FCHSD2: variants seen among roughly 807,000 people sequenced by gnomAD.
The protein encoded by FCHSD2 is F-BAR and double SH3 domains protein 2.
FCHSD2 carries 38 observed loss-of-function variants against 108.1 expected under a neutral mutation model. That is an observed-to-expected ratio of 0.35 (90% CI 0.27 to 0.46). The LOEUF (loss-of-function observed/expected upper bound fraction) is 0.46. Among genes scored for constraint, FCHSD2 ranks in the 20% least tolerant of loss-of-function variants. The pLI, the probability that FCHSD2 is intolerant of heterozygous loss-of-function variation, is 1.00. For missense variants in FCHSD2, 751 were observed against 897.8 expected (o/e 0.84, Z 2.09); for synonymous variants, 279 against 314.7 (o/e 0.89, Z 1.20).
intron 2 of FCHSD2, among the ~76,000 whole-genome samples, chr11:73,093,985 C>T (rs575222386): frequency 6.6e-6 from 1 of 151,980 alleles, no homozygotes; most frequent in Non-Finnish European, 1.5e-5. Context: ...CCGAGTCAGG[C>T]GGACAACTTG....
At chr11:73,007,144 G>A (rs765032662) in intron 4 of FCHSD2, among the ~76,000 whole-genome samples, 9 of 151,894 alleles carry the variant, frequency 5.9e-5, no homozygotes, top group Non-Finnish European at 1.0e-4. Flanking sequence ...TGTATCTTAC[G>A]ATTTTATATC....
chr11:72,931,843 C>T (rs1416146642), intron 8 of FCHSD2, among the ~76,000 whole-genome samples: 1 of 152,240 alleles, frequency 6.6e-6, no homozygotes, highest in Non-Finnish European at 1.5e-5. Context: ...CACAGACAGA[C>T]AAGATCAGGG....
At chr11:72,918,742 C>CT (rs911156605) in intron 9 of FCHSD2, among the ~76,000 whole-genome samples, 1 of 151,938 alleles carries the variant, frequency 6.6e-6, no homozygotes, top group African/African-American at 2.4e-5. Context: ...TTTCTGAATT[C>CT]TTTTTTTAAA....
rs765288070 is a variant in FCHSD2, at chr11:73,058,597, C to CT, written c.165+25097dup. Among the ~76,000 whole-genome samples the CT allele has an allele frequency of 5.4e-3, 743 of 137,376 alleles. 7 individuals carry two copies. Among genetic ancestry groups the CT allele is most frequent in the African/African-American group, 0.014 (519 of 37,564 alleles). 90.1% of individuals were successfully genotyped at this position (137,376 alleles called of 152,430 possible). Reference sequence around the variant, plus strand: ...TGTTTTTTAGGTTTATTTCATTTTCCTTTTTTTTTTTTTTTTAAGACAGAG... The same window carrying CT: ...TGTTTTTTAGGTTTATTTCATTTTCCTTTTTTTTTTTTTTTTTAAGACAGAG... On this transcript the variant is annotated intron_variant, in intron 3 of 19. Coordinates refer to ENST00000409418, the MANE Select transcript of FCHSD2 (RefSeq NM_014824.3).
chr11:72,930,930 G>C (rs990031277), intron 8 of FCHSD2, among the ~76,000 whole-genome samples: 3 of 151,926 alleles, frequency 2.0e-5, no homozygotes, highest in Non-Finnish European at 4.4e-5. Flanking sequence ...AATATCTTAA[G>C]AGTGTAATTG....
At chr11:73,139,801 A>T (rs180859719) in intron 2 of FCHSD2, among the ~76,000 whole-genome samples, 96 of 152,346 alleles carry the variant, frequency 6.3e-4, no homozygotes, top group Non-Finnish European at 1.2e-3. Flanking sequence ...TAAGACTTTT[A>T]AGGTCCTTGT....
rs1455400225 is a variant in FCHSD2, at chr11:72,985,115, A to G, written c.523T>C (p.Ser175Pro). ...VREKADIEAK[S>P]KLSLFQSRIS... ...CTTGATTGAAAAAGACTAAGTTTAG[A>G]TCTATAATAAAAATAGAAAAGTATG... Residue 175 changes from serine (S) to proline (P), a missense_variant and splice_region_variant, in exon 7 of 20, where the codon TCT becomes CCT. Transcript: ENST00000409418. 1.9e-6 allele frequency: 2 copies of G among 1,052,614 alleles called. No homozygotes were observed. The highest frequency in any genetic ancestry group is 4.5e-5 in the Admixed American group (2 of 44,510). 65.2% of individuals were successfully genotyped at this position (1,052,614 alleles called of 1,614,324 possible).
intron 8 of FCHSD2, among the ~76,000 whole-genome samples, chr11:72,975,467 C>T (rs1857087266): frequency 6.6e-6 from 1 of 151,948 alleles, no homozygotes; most frequent in Admixed American, 6.6e-5. Context: ...CTATAGTTAA[C>T]AATAATTTAT....
intron 2 of FCHSD2, among the ~76,000 whole-genome samples, chr11:73,094,117 A>C (rs1432030738): frequency 6.6e-6 from 1 of 152,088 alleles, no homozygotes; most frequent in African/African-American, 2.4e-5. Context: ...AGGCTGAGGC[A>C]AGAGAATCAC....
At chr11:73,080,190 A>C (rs1859648429) in intron 3 of FCHSD2, among the ~76,000 whole-genome samples, 1 of 150,994 alleles carries the variant, frequency 6.6e-6, no homozygotes, top group African/African-American at 2.4e-5. Context: ...CCAGCCACTC[A>C]GTAGGCTGAG....
At chr11:72,951,724 C>T (rs7358314) in intron 8 of FCHSD2, among the ~76,000 whole-genome samples, 2 of 152,184 alleles carry the variant, frequency 1.3e-5, no homozygotes, top group East Asian at 3.9e-4. Flanking sequence ...ATTTTTCTTC[C>T]TAAGAGTCTC....
At chr11:72,968,558 T>C (rs1325895077) in intron 8 of FCHSD2, among the ~76,000 whole-genome samples, 1 of 152,230 alleles carries the variant, frequency 6.6e-6, no homozygotes, top group Non-Finnish European at 1.5e-5. Flanking sequence ...GAGGAACTCT[T>C]CTTGCCAAAT....
At chr11:73,038,913 C>G (rs2135460512) in intron 3 of FCHSD2, among the ~76,000 whole-genome samples, 1 of 152,284 alleles carries the variant, frequency 6.6e-6, no homozygotes, top group African/African-American at 2.4e-5. Flanking sequence ...ACATGCCTCC[C>G]ACTTTAGTGT....
chr11:73,141,869 C>T lies in FCHSD2; in HGVS notation c.9G>A (p.Pro3=). The T allele has an allele frequency of 1.9e-6, 3 of 1,544,664 alleles. No homozygotes were observed. The highest frequency in any genetic ancestry group is 1.2e-5 in the South Asian group (1 of 83,882). MQ[P]PPRKVKVTQE... is the part of the protein sequence containing the mutation. Reference sequence around the variant, plus strand: ...GCTGCGCCCTTACCTTCCTCGGCGGCGGCTGCATGATGCTGAAGGGACATC... The same window carrying T: ...GCTGCGCCCTTACCTTCCTCGGCGGTGGCTGCATGATGCTGAAGGGACATC... Residue 3 remains proline, a synonymous_variant, in exon 1 of 20, where the codon CCG becomes CCA. Transcript: ENST00000409418.
At chr11:72,971,392 T>C (rs545116211) in intron 8 of FCHSD2, among the ~76,000 whole-genome samples, 1 of 152,298 alleles carries the variant, frequency 6.6e-6, no homozygotes, top group South Asian at 2.1e-4. Flanking sequence ...CAGTAGAACA[T>C]AATCACTCTT....
chr11:73,027,120 G>A (rs1314724560), intron 3 of FCHSD2, among the ~76,000 whole-genome samples: 2 of 152,168 alleles, frequency 1.3e-5, no homozygotes, highest in African/African-American at 2.4e-5. Context: ...AGCAGGCAGA[G>A]GTTGGAACAG....
chr11:72,996,460 T>C (rs958794015), intron 5 of FCHSD2, among the ~76,000 whole-genome samples: 1 of 152,184 alleles, frequency 6.6e-6, no homozygotes, highest in Non-Finnish European at 1.5e-5. Context: ...TAAGTAAACA[T>C]AAGAATGGCA....
At chr11:73,129,423 G>C (rs1298102275) in intron 2 of FCHSD2, among the ~76,000 whole-genome samples, 1 of 152,162 alleles carries the variant, frequency 6.6e-6, no homozygotes, top group Non-Finnish European at 1.5e-5. Context: ...ATTGCCACCT[G>C]AGCTCCGCCT....
chr11:72,926,002 T>G (rs1384216450), intron 8 of FCHSD2, among the ~76,000 whole-genome samples: 1 of 152,220 alleles, frequency 6.6e-6, no homozygotes. Flanking sequence ...AAGGGCCCCC[T>G]GCCCCTGTCC....
Sources: gnomAD v4.1 joint callset for allele counts (sites outside exome capture counted in the v4.1 genomes callset) on GRCh38, gnomAD v4.1.1 for gene constraint, MANE v1.5 for transcripts, NCBI Gene and HGNC (gene_info 2026-07-23, HGNC 2026-07-21) for gene names.